CCDC38: variants seen among roughly 807,000 people sequenced by gnomAD.
CCDC38 encodes the protein coiled-coil domain-containing protein 38.
A neutral mutation model predicts 72.8 loss-of-function variants in CCDC38; 69 were observed. That is an observed-to-expected ratio of 0.95 (90% CI 0.78 to 1.16). CCDC38 has a LOEUF of 1.16. Among genes scored for constraint, CCDC38 ranks in the 50% most tolerant of loss-of-function variants. The probability of loss-of-function intolerance (pLI) is 0.00; values close to 1 mark genes in which losing one functional copy is unlikely to be tolerated. For missense variants in CCDC38, 626 were observed against 638.9 expected (o/e 0.98, Z 0.22); for synonymous variants, 201 against 213.2 (o/e 0.94, Z 0.50).
intron 14 of CCDC38, among the ~76,000 whole-genome samples, chr12:95,870,698 A>G (rs1047122896): frequency 6.6e-6 from 1 of 152,130 alleles, no homozygotes; most frequent in Non-Finnish European, 1.5e-5. Flanking sequence ...GTAACTTTTC[A>G]TTTATAGTTT....
At chr12:95,907,730 G>A (rs1291997014) in intron 4 of CCDC38, among the ~76,000 whole-genome samples, 2 of 148,720 alleles carry the variant, frequency 1.3e-5, no homozygotes, top group African/African-American at 5.0e-5. Context: ...CAGACAGGGC[G>A]GTTGCCAGGC....
intron 2 of CCDC38, among the ~76,000 whole-genome samples, chr12:95,926,280 G>C (rs1223505319): frequency 2.6e-5 from 4 of 151,934 alleles, no homozygotes; most frequent in Non-Finnish European, 5.9e-5. Flanking sequence ...GAGAGTGTAT[G>C]TGTCAAGGAA....
chr12:95,871,667 C>CTTGAGGGATAAATGAATGAATG (rs2079581620), intron 14 of CCDC38, among the ~76,000 whole-genome samples: 1 of 25,586 alleles, frequency 3.9e-5, no homozygotes, highest in South Asian at 1.2e-3. Context: ...ATGAGGTTGT[C>CTTGAGGGATAAATGAATGAATG]TTGAGGAATA....
intron 2 of CCDC38, among the ~76,000 whole-genome samples, chr12:95,929,074 G>A (rs2080306585): frequency 6.6e-6 from 1 of 152,158 alleles, no homozygotes; most frequent in Admixed American, 6.5e-5. Flanking sequence ...CACCCAGTTC[G>A]AGCTTCCCGG....
intron 2 of CCDC38, among the ~76,000 whole-genome samples, chr12:95,922,227 T>C (rs1167804206): frequency 6.6e-6 from 1 of 152,216 alleles, no homozygotes; most frequent in Admixed American, 6.5e-5. Flanking sequence ...GATCATCTCC[T>C]ATTCACCCTG....
chr12:95,886,902 C>T (rs1592763381), intron 10 of CCDC38, among the ~76,000 whole-genome samples: 3 of 152,110 alleles, frequency 2.0e-5, no homozygotes, highest in East Asian at 1.9e-4. Context: ...ACTGAACATG[C>T]GGCCGGGCGT....
At chr12:95,890,983 A>C in intron 8 of CCDC38, 53 bp from the exon 9 acceptor site, 1 of 985,012 alleles carries the variant, frequency 1.0e-6, no homozygotes, top group Non-Finnish European at 1.6e-6. Flanking sequence ...GGGGAAAAAA[A>C]CACTGCTGAG....
chr12:95,894,605 C>T (rs553307561), intron 8 of CCDC38, among the ~76,000 whole-genome samples: 1 of 152,246 alleles, frequency 6.6e-6, no homozygotes, highest in East Asian at 1.9e-4. Context: ...GCTTCCCCTC[C>T]CCGTTGCTTC....
At chr12:95,897,229 T>C (rs1180334339) in intron 7 of CCDC38, among the ~76,000 whole-genome samples, 1 of 152,162 alleles carries the variant, frequency 6.6e-6, no homozygotes, top group Non-Finnish European at 1.5e-5. Context: ...AGTTTTAGCA[T>C]TGACCTGATA....
chr12:95,928,819 C>T (rs529554244), intron 2 of CCDC38, among the ~76,000 whole-genome samples: 1 of 152,292 alleles, frequency 6.6e-6, no homozygotes, highest in South Asian at 2.1e-4. Flanking sequence ...CAGTGTGCCC[C>T]TGCTAGGGGG....
At chr12:95,868,204 A>G (rs182814819) in intron 15 of CCDC38, among the ~76,000 whole-genome samples, 186 of 152,014 alleles carry the variant, frequency 1.2e-3, no homozygotes, top group Admixed American at 3.9e-3. Context: ...TTTTCCCCCA[A>G]TTTTTTCCAG....
In CCDC38 at chr12:95,920,984, C is replaced by T. The variant is rs79230369; in HGVS notation, c.38-2008G>A. ...TCTCTACGAAGAATACAAAATTAGC[C>T]GGGTGTGGTGGTTCACGCCTGTAAT... is the stretch of plus-strand genomic sequence containing the variant. On this transcript the variant is annotated intron_variant, in intron 2 of 15. Coordinates refer to ENST00000344280, the MANE Select transcript of CCDC38 (RefSeq NM_182496.3). Among the ~76,000 whole-genome samples, 4,400 of 151,898 alleles carry T rather than the reference C, an allele frequency of 0.029. 515 individuals are homozygous for T. In the East Asian group the frequency reaches 0.42, roughly 15 times the overall value.
chr12:95,928,486 T>A (rs201635170), intron 2 of CCDC38, among the ~76,000 whole-genome samples: 6 of 150,614 alleles, frequency 4.0e-5, no homozygotes, highest in East Asian at 2.0e-4. Context: ...TGGTTTGAAT[T>A]TCCTCCCGTA....
intron 5 of CCDC38, among the ~76,000 whole-genome samples, chr12:95,901,325 G>A (rs984200539): frequency 2.0e-5 from 3 of 152,130 alleles, no homozygotes; most frequent in Non-Finnish European, 4.4e-5. Flanking sequence ...TGCAGGGGTA[G>A]GAAAGAGTAT....
chr12:95,890,091 T>G (rs1021872583), intron 9 of CCDC38, among the ~76,000 whole-genome samples: 3 of 152,090 alleles, frequency 2.0e-5, no homozygotes, highest in African/African-American at 7.2e-5. Flanking sequence ...TTTGTATTTT[T>G]GGCAGATATG....
At chr12:95,877,079 T>G (rs2079643814) in intron 13 of CCDC38, among the ~76,000 whole-genome samples, 1 of 152,072 alleles carries the variant, frequency 6.6e-6, no homozygotes, top group Non-Finnish European at 1.5e-5. Context: ...GAAGAAACTC[T>G]CCAGGCCTCC....
At chr12:95,907,767 G>A (rs896536045) in intron 4 of CCDC38, among the ~76,000 whole-genome samples, 1 of 151,084 alleles carries the variant, frequency 6.6e-6, no homozygotes, top group East Asian at 2.0e-4. Flanking sequence ...TCTCAGACGA[G>A]GTGGCCAGGC....
Position 95,898,739 on chromosome 12 carries a change from C to T in CCDC38, c.370-8G>A. The T allele has an allele frequency of 6.2e-7, 1 of 1,611,428 alleles. No homozygotes were observed. The highest frequency in any genetic ancestry group is 1.7e-5 in the Admixed American group (1 of 59,210). On this transcript the variant is annotated splice_polypyrimidine_tract_variant and splice_region_variant and intron_variant, in intron 5 of 15. Transcript: ENST00000344280. ...TTTGGTTGACAAAGCATACTAGGGG[C>T]ATTGAAGACAGAGGTGTAAAAACAT...
intron 4 of CCDC38, among the ~76,000 whole-genome samples, chr12:95,915,670 C>T (rs1403938753): frequency 1.3e-5 from 2 of 152,140 alleles, no homozygotes; most frequent in Non-Finnish European, 2.9e-5. Flanking sequence ...CAAATCAGCT[C>T]CTGATTGGAA....
Sources: gnomAD v4.1 joint callset for allele counts (sites outside exome capture counted in the v4.1 genomes callset) on GRCh38, gnomAD v4.1.1 for gene constraint, MANE v1.5 for transcripts, NCBI Gene and HGNC (gene_info 2026-07-23, HGNC 2026-07-21) for gene names.